The following ZNF420 variants were observed in gnomAD, a reference collection of about 807,000 sequenced individuals.
The protein encoded by ZNF420 is ATM and p53-associated KZNF protein.
ZNF420 carries 31 observed loss-of-function variants against 44.7 expected under a neutral mutation model. That is an observed-to-expected ratio of 0.69 (90% CI 0.52 to 0.94). The LOEUF (loss-of-function observed/expected upper bound fraction) is 0.94. Among genes scored for constraint, ZNF420 ranks in the 40% least tolerant of loss-of-function variants. The probability of loss-of-function intolerance (pLI) is 0.00; values close to 1 mark genes in which losing one functional copy is unlikely to be tolerated. For synonymous variants in ZNF420, 245 were observed against 267.4 expected, an observed-to-expected ratio of 0.92 and a Z score of 0.82; for missense variants, 681 against 827.9, an observed-to-expected ratio of 0.82 and a Z score of 2.18.
At position 37,129,747 on chromosome 19, in the gene ZNF420, TAA is replaced by T. The variant is rs34839210; in HGVS notation, c.*701_*702del. On this transcript the variant is annotated 3_prime_UTR_variant, in exon 5 of 5. Coordinates refer to ENST00000337995, the MANE Select transcript of ZNF420 (RefSeq NM_144689.5). Reference sequence around the variant, plus strand: ...CCAGTGGATATAATCAGTGTATTATTAAAAAAAAAAAAACCCAGTGGATGTAA... The same window carrying T: ...CCAGTGGATATAATCAGTGTATTATTAAAAAAAAAAACCCAGTGGATGTAA... 0.18 allele frequency: 29,272 copies of T among 167,052 alleles called. 2,710 individuals are homozygous for T. The highest frequency in any genetic ancestry group is 0.27 in the African/African-American group (10,600 of 39,844). 10.3% of individuals were successfully genotyped at this position (167,052 alleles called of 1,614,324 possible).
At chr19:37,016,429 G>C (rs2074609428) in intron 1 of ZNF420, among the ~76,000 whole-genome samples, 1 of 152,158 alleles carries the variant, frequency 6.6e-6, no homozygotes, top group Non-Finnish European at 1.5e-5. Context: ...CCTCTGGCTG[G>C]AATCCCTGAA....
upstream of ZNF420, among the ~76,000 whole-genome samples, chr19:37,077,817 A>T (rs928024966): frequency 1.3e-5 from 2 of 152,166 alleles, no homozygotes; most frequent in Non-Finnish European, 2.9e-5. Context: ...CACAATAGAG[A>T]TCTGTGTAAA....
At chr19:37,100,994 CT>C (rs35330746) in intron 4 of ZNF420, among the ~76,000 whole-genome samples, 7,204 of 136,976 alleles carry the variant, frequency 0.053, 225 homozygotes, top group African/African-American at 0.11. Flanking sequence ...AAATTTATTC[CT>C]TTTTTTTTTT....
chr19:37,112,939 T>G (rs1712401569), intron 4 of ZNF420, among the ~76,000 whole-genome samples: 2 of 151,678 alleles, frequency 1.3e-5, no homozygotes, highest in African/African-American at 4.8e-5. Context: ...AGAGACTGCT[T>G]GTATAGTACA....
chr19:37,096,948 G>C (rs1163679180), intron 4 of ZNF420, among the ~76,000 whole-genome samples: 1 of 150,574 alleles, frequency 6.6e-6, no homozygotes, highest in Non-Finnish European at 1.5e-5. Context: ...ACCCAGGCTG[G>C]AGTGCAGTGG....
chr19:37,087,544 A>G (rs58973869), intron 2 of ZNF420, among the ~76,000 whole-genome samples: 6,838 of 152,258 alleles, frequency 0.045, 213 homozygotes, highest in East Asian at 0.078. Context: ...TGTATCAATG[A>G]TTCTCTGCAG....
intron 1 of ZNF420, among the ~76,000 whole-genome samples, chr19:37,035,112 C>T (rs1291876235): frequency 3.3e-5 from 5 of 152,196 alleles, no homozygotes; most frequent in Non-Finnish European, 5.9e-5. Flanking sequence ...TCACCCATCA[C>T]AAGTGGCCAG....
intron 1 of ZNF420, among the ~76,000 whole-genome samples, chr19:37,058,531 T>C (rs1357839864): frequency 1.3e-5 from 2 of 152,110 alleles, no homozygotes; most frequent in African/African-American, 4.8e-5. Context: ...GCCTCAGGGC[T>C]ACCTAGGCTG....
intron 1 of ZNF420, among the ~76,000 whole-genome samples, chr19:37,014,660 G>A (rs703534): frequency 0.024 from 3,678 of 152,292 alleles, 162 homozygotes; most frequent in African/African-American, 0.083. Flanking sequence ...CGCGCGAGCC[G>A]ACCACGACAA....
intron 4 of ZNF420, among the ~76,000 whole-genome samples, chr19:37,098,967 T>A (rs1969611746): frequency 6.6e-6 from 1 of 152,236 alleles, no homozygotes; most frequent in Non-Finnish European, 1.5e-5. Context: ...TCACTTAATA[T>A]AATGTCCTCT....
intron 1 of ZNF420, among the ~76,000 whole-genome samples, chr19:37,052,500 C>T (rs972072560): frequency 3.3e-5 from 5 of 152,118 alleles, no homozygotes; most frequent in African/African-American, 9.7e-5. Flanking sequence ...TGGCTGGTAC[C>T]GGTTGCTCCT....
At chr19:37,021,721 G>A (rs12977274) in intron 1 of ZNF420, among the ~76,000 whole-genome samples, 10 of 151,572 alleles carry the variant, frequency 6.6e-5, no homozygotes, top group African/African-American at 2.4e-4. Context: ...TGGGGATCAC[G>A]AGGTCAGGAG....
At chr19:37,052,132 C>G (rs558390988) in intron 1 of ZNF420, among the ~76,000 whole-genome samples, 2 of 152,174 alleles carry the variant, frequency 1.3e-5, no homozygotes, top group East Asian at 3.9e-4. Context: ...TTCTTTGTCT[C>G]TTTTGATCTT....
At chr19:37,011,546 T>G (rs1052865400) in intron 1 of ZNF420, among the ~76,000 whole-genome samples, 2 of 152,100 alleles carry the variant, frequency 1.3e-5, no homozygotes, top group Non-Finnish European at 2.9e-5. Context: ...ACCTAGGCAT[T>G]GGAGAGGTGG....
chr19:37,014,659 C>T (rs1015015561), intron 1 of ZNF420, among the ~76,000 whole-genome samples: 4 of 152,214 alleles, frequency 2.6e-5, no homozygotes, highest in African/African-American at 4.8e-5. Context: ...GCGCGCGAGC[C>T]GACCACGACA....
chr19:37,117,315 G>A (rs574868248), intron 4 of ZNF420, among the ~76,000 whole-genome samples: 2 of 149,862 alleles, frequency 1.3e-5, no homozygotes, highest in South Asian at 4.2e-4. Context: ...CTGTTCTACA[G>A]CCACCGCTGT....
chr19:37,124,927 C>T (rs974949610), intron 4 of ZNF420, among the ~76,000 whole-genome samples: 16 of 152,176 alleles, frequency 1.1e-4, no homozygotes, highest in African/African-American at 3.9e-4. Context: ...ACCTCCGCCT[C>T]CCAGGTTCAA....
chr19:37,104,550 G>A (rs921421859), intron 4 of ZNF420, among the ~76,000 whole-genome samples: 8 of 152,250 alleles, frequency 5.3e-5, no homozygotes, highest in South Asian at 2.1e-4. Flanking sequence ...GGATCCTTGC[G>A]GAATTGCCAC....
intron 1 of ZNF420, among the ~76,000 whole-genome samples, chr19:37,048,856 A>C (rs1967588860): frequency 7.3e-6 from 1 of 137,176 alleles, no homozygotes. Context: ...TCCTAATGCT[A>C]TCCCTCCCCC....
Sources: gnomAD v4.1 joint callset for allele counts (sites outside exome capture counted in the v4.1 genomes callset) on GRCh38, gnomAD v4.1.1 for gene constraint, MANE v1.5 for transcripts, NCBI Gene and HGNC (gene_info 2026-07-23, HGNC 2026-07-21) for gene names.